The following ARL2BP variants were observed in gnomAD, a reference collection of about 807,000 sequenced individuals.
ARL2BP encodes ADP-ribosylation factor-like protein 2-binding protein.
A neutral mutation model predicts 24.2 loss-of-function variants in ARL2BP; 19 were observed. The observed-to-expected ratio is 0.79, with a 90% confidence interval of 0.55 to 1.15. ARL2BP has a LOEUF of 1.15. Among genes scored for constraint, ARL2BP ranks in the 50% most tolerant of loss-of-function variants. The probability of loss-of-function intolerance (pLI) is 0.00; values close to 1 mark genes in which losing one functional copy is unlikely to be tolerated. For missense variants in ARL2BP, 160 were observed against 190.4 expected (o/e 0.84, Z 0.94); for synonymous variants, 56 against 70.5 (o/e 0.79, Z 1.03).
chr16:57,250,386 A>C (rs1412662823), intron 4 of ARL2BP, 25 bp from the exon 5 acceptor site: 1 of 1,599,806 alleles, frequency 6.3e-7, no homozygotes, highest in African/African-American at 1.3e-5. Flanking sequence ...TTCATTCACG[A>C]AACAGCCATC....
At position 57,252,698 on chromosome 16, in the gene ARL2BP, T is replaced by G. The variant is rs1320624812; in HGVS notation, c.*431T>G. 2.4e-5 allele frequency: 5 copies of G among 208,942 alleles called. No individual in the cohort carries two copies. Among genetic ancestry groups the G allele is most frequent in the Non-Finnish European group, 4.9e-5 (5 of 101,674 alleles). The allele number at this position is 208,942 out of a possible 1,614,324, so 12.9% of individuals were successfully genotyped here. ...TTCACATGGGCCACAGTTTCAGTAC[T>G]TCAGCCTCAGTGGGGTTCCTGATGT... is the stretch of plus-strand genomic sequence containing the variant. On this transcript the variant is annotated 3_prime_UTR_variant, in exon 6 of 6. Transcript: ENST00000219204.
At chr16:57,248,403 T>A in intron 2 of ARL2BP, 134 bp from the exon 3 acceptor site, 1 of 455,128 alleles carries the variant, frequency 2.2e-6, no homozygotes, top group Non-Finnish European at 4.0e-6. Context: ...TAATACCCCC[T>A]TAAAACATCA....
At position 57,250,239 on chromosome 16, in the gene ARL2BP, A is replaced by G. The variant is rs1263761670; in HGVS notation, c.294-172A>G. ...CAGCAGTTCAAGGCTACAGTGAGCT[A>G]TAATTGCACCCCTGCACTCCTGCCT... On this transcript the variant is annotated intron_variant, in intron 4 of 5. Coordinates refer to ENST00000219204, the MANE Select transcript of ARL2BP (RefSeq NM_012106.4). The G allele has an allele frequency of 5.3e-5, 33 of 626,282 alleles. No individual in the cohort carries two copies. The South Asian group carries it at 6.0e-4, about 11-fold the overall frequency. 38.8% of individuals were successfully genotyped at this position (626,282 alleles called of 1,614,324 possible). A position where few individuals can be genotyped will look rare whatever the true frequency, so the allele number is the denominator to read the frequency against.
intron 1 of ARL2BP, 124 bp downstream of exon 1, chr16:57,245,529 G>A (rs566818278): frequency 7.8e-7 from 1 of 1,280,660 alleles, no homozygotes; most frequent in East Asian, 2.5e-5. Context: ...GCAGGGTGGG[G>A]GCCGCCAAGG....
chr16:57,252,491 A>C lies in ARL2BP; in HGVS notation c.*224A>C. On this transcript the variant is annotated 3_prime_UTR_variant, in exon 6 of 6. Coordinates refer to ENST00000219204, the MANE Select transcript of ARL2BP (RefSeq NM_012106.4). Reference sequence around the variant, plus strand: ...AACCATAGTACTCCTCCCCACCTCAAGTAGACACCTCTCTCAGGAGCTTCT... The same window carrying C: ...AACCATAGTACTCCTCCCCACCTCACGTAGACACCTCTCTCAGGAGCTTCT... The C allele has an allele frequency of 1.4e-6, 1 of 713,936 alleles. No homozygotes were observed. The highest frequency in any genetic ancestry group is 2.2e-6 in the Non-Finnish European group (1 of 453,564). The allele number at this position is 713,936 out of a possible 1,614,324, so 44.2% of individuals were successfully genotyped here.
chr16:57,246,298 G>C (rs1347586847), intron 2 of ARL2BP, 157 bp downstream of exon 2: 1 of 708,730 alleles, frequency 1.4e-6, no homozygotes, highest in African/African-American at 1.8e-5. Flanking sequence ...ACTGCAGTTT[G>C]TCTTAGAAAC....
chr16:57,245,516 C>CGGGCCGGGCA, intron 1 of ARL2BP, 111 bp downstream of exon 1: 2 of 1,430,172 alleles, frequency 1.4e-6, no homozygotes, highest in Admixed American at 2.1e-5. Flanking sequence ...CGGGCCGGGC[C>CGGGCCGGGCA]GGGCAGGGTG....
At position 57,245,282 on chromosome 16, in the gene ARL2BP, TGA is replaced by T; in HGVS notation, c.-82_-81del. On this transcript the variant is annotated 5_prime_UTR_variant, in exon 1 of 6. Coordinates refer to ENST00000219204, the MANE Select transcript of ARL2BP (RefSeq NM_012106.4). Reference sequence around the variant, plus strand: ...GCAGTGAGCTGGCCGCGGCCTTGGCTGAGAGGCCTTAACCCCGCCGGGCGGCC... The same window carrying T: ...GCAGTGAGCTGGCCGCGGCCTTGGCTGAGGCCTTAACCCCGCCGGGCGGCC... 1 of 1,515,936 alleles carries T rather than the reference TGA, an allele frequency of 6.6e-7. No homozygotes were observed. 93.9% of individuals were successfully genotyped at this position (1,515,936 alleles called of 1,614,324 possible).
At chr16:57,250,069 G>A in intron 4 of ARL2BP, 2 of 601,728 alleles carry the variant, frequency 3.3e-6, no homozygotes, top group South Asian at 4.1e-5. Flanking sequence ...CAAGGGAGGA[G>A]GATCACTTGA....
At chr16:57,245,465 G>A (rs1597951266) in intron 1 of ARL2BP, 60 bp downstream of exon 1, 6 of 1,578,614 alleles carry the variant, frequency 3.8e-6, no homozygotes, top group African/African-American at 1.3e-5. Flanking sequence ...CGTTCGCCCC[G>A]GGGCCTGACC....
intron 1 of ARL2BP, 37 bp downstream of exon 1, chr16:57,245,442 C>A: frequency 6.3e-7 from 1 of 1,597,890 alleles, no homozygotes; most frequent in African/African-American, 1.3e-5. Flanking sequence ...GACTTGGGGC[C>A]GGAGGCAGCG....
Position 57,252,451 on chromosome 16 carries a change from C to G in ARL2BP, c.*184C>G. ...CCTGGACCTATTTATCCTGAAACAC[C>G]TTCTTGTATTCATTAACCATAGTAC... On this transcript the variant is annotated 3_prime_UTR_variant, in exon 6 of 6. Coordinates refer to ENST00000219204, the MANE Select transcript of ARL2BP (RefSeq NM_012106.4). 9.2e-7 allele frequency: 1 copy of G among 1,083,064 alleles called. No individual in the cohort carries two copies. The highest frequency in any genetic ancestry group is 1.3e-6 in the Non-Finnish European group (1 of 764,150). The allele number at this position is 1,083,064 out of a possible 1,614,324, so 67.1% of individuals were successfully genotyped here. A position where few individuals can be genotyped will look rare whatever the true frequency, so the allele number is the denominator to read the frequency against.
In ARL2BP at chr16:57,253,437, T is replaced by C. The variant is rs2075414813; in HGVS notation, c.*1170T>C. 2 of 152,250 alleles carry C rather than the reference T, an allele frequency of 1.3e-5. No individual in the cohort carries two copies. The highest frequency in any genetic ancestry group is 6.5e-5 in the Admixed American group (1 of 15,286). The allele number at this position is 152,250 out of a possible 1,614,324, so 9.4% of individuals were successfully genotyped here. A position where few individuals can be genotyped will look rare whatever the true frequency, so the allele number is the denominator to read the frequency against. On this transcript the variant is annotated 3_prime_UTR_variant, in exon 6 of 6. Coordinates refer to ENST00000219204, the MANE Select transcript of ARL2BP (RefSeq NM_012106.4). ...TCTCTAGAACGAAGAAAAAGCATAG[T>C]AGTTCAATTCCCAGTGTGTCCCTTT...
intron 2 of ARL2BP, among the ~76,000 whole-genome samples, chr16:57,247,155 T>A (rs1289626873): frequency 6.6e-6 from 1 of 152,212 alleles, no homozygotes; most frequent in Non-Finnish European, 1.5e-5. Context: ...CCTTCAGGTA[T>A]AAAGGTTCAT....
chr16:57,249,695 G>A (rs1483414694), intron 3 of ARL2BP, 72 bp from the exon 4 acceptor site: 5 of 1,216,220 alleles, frequency 4.1e-6, no homozygotes, highest in Non-Finnish European at 6.1e-6. Context: ...AGAAAGGGCT[G>A]GGCAGGCTTT....
At position 57,246,082 on chromosome 16, in the gene ARL2BP, C is replaced by T. The variant is rs1388824750; in HGVS notation, c.41C>T (p.Ser14Phe). 1.2e-6 allele frequency: 2 copies of T among 1,613,878 alleles called. No homozygotes were observed. Among genetic ancestry groups the T allele is most frequent in the Admixed American group, 1.7e-5 (1 of 59,994 alleles). ...CCTAATCCAGGCATGTTTTTCAGCT[C>T]CTCCGCCTCTGATGCAGAATTTGAT... ...LEGESFALSFSSASDAEFDAV... is the reference protein window; with the variant it reads ...LEGESFALSFFSASDAEFDAV... Residue 14 changes from serine to phenylalanine, a missense_variant and splice_region_variant, in exon 2 of 6, where the codon TCC becomes TTC. Transcript: ENST00000219204.
chr16:57,252,376 C>T lies in ARL2BP; in HGVS notation c.*109C>T, dbSNP rs1274493007. On this transcript the variant is annotated 3_prime_UTR_variant, in exon 6 of 6. Transcript: ENST00000219204. ...GAAAGACTGACTCTGTTATGTAACT[C>T]TTCATTTATGTTAAGTATTAATAGG... 6.3e-7 allele frequency: 1 copy of T among 1,584,200 alleles called. No homozygotes were observed. Among genetic ancestry groups the T allele is most frequent in the Admixed American group, 1.8e-5 (1 of 55,946 alleles).
In ARL2BP at chr16:57,248,660, G is replaced by A; in HGVS notation, c.207+17G>A. On this transcript the variant is annotated intron_variant, in intron 3 of 5. Transcript: ENST00000219204. ...AATGAATACGTAAGTAGATTTCTAT[G>A]TCTCCTACCAGGAGGTCAGAGTTTT... 1 of 1,436,374 alleles carries A rather than the reference G, an allele frequency of 7.0e-7. No homozygotes were observed. The highest frequency in any genetic ancestry group is 1.3e-5 in the South Asian group (1 of 75,630). 89.0% of individuals were successfully genotyped at this position (1,436,374 alleles called of 1,614,324 possible). A position where few individuals can be genotyped will look rare whatever the true frequency, so the allele number is the denominator to read the frequency against.
chr16:57,250,627 G>A, intron 5 of ARL2BP, 120 bp downstream of exon 5: 2 of 760,292 alleles, frequency 2.6e-6, no homozygotes, highest in Admixed American at 4.3e-5. Context: ...TGGCCGATGA[G>A]GCATCAGAAG....
Sources: gnomAD v4.1 joint callset for allele counts (sites outside exome capture counted in the v4.1 genomes callset) on GRCh38, gnomAD v4.1.1 for gene constraint, MANE v1.5 for transcripts, NCBI Gene and HGNC (gene_info 2026-07-23, HGNC 2026-07-21) for gene names.